STON2: variants seen among roughly 807,000 people sequenced by gnomAD.
STON2 encodes the protein stonin 2, also known as stonin-2.
STON2 carries 29 observed loss-of-function variants against 65.7 expected under a neutral mutation model. The ratio of observed to expected loss-of-function variants is 0.44; its 90% confidence interval spans 0.33 to 0.60. The LOEUF is 0.60. Among genes scored for constraint, STON2 ranks in the 20% least tolerant of loss-of-function variants. STON2 has a pLI of 0.03. For synonymous variants in STON2, 404 were observed against 414.2 expected (o/e 0.98, Z 0.30); for missense variants, 1,054 against 1,118.1 (o/e 0.94, Z 0.82).
At chr14:81,294,099 C>A (rs151272867) in intron 5 of STON2, among the ~76,000 whole-genome samples, 1 of 152,148 alleles carries the variant, frequency 6.6e-6, no homozygotes, top group African/African-American at 2.4e-5. Flanking sequence ...AGCAGCCAGA[C>A]AAGAGATAGA....
intron 4 of STON2, among the ~76,000 whole-genome samples, chr14:81,327,232 T>C (rs1336583837): frequency 6.6e-6 from 1 of 152,230 alleles, no homozygotes; most frequent in African/African-American, 2.4e-5. Context: ...CCTCTAAATA[T>C]ATCAAATTTT....
At position 81,315,520 on chromosome 14, in the gene STON2, G is replaced by C. The variant is rs1020697820; in HGVS notation, c.742+8497C>G. On this transcript the variant is annotated intron_variant, in intron 5 of 7. Transcript: ENST00000614646. ...GGCATTTCCAACGTAGGCAGGTGAC[G>C]ATACTGGCAGAATTCTCAACCTGTT... is the stretch of plus-strand genomic sequence containing the variant. 6.6e-5 allele frequency among the ~76,000 whole-genome samples: 10 copies of C among 152,066 alleles called. 4 individuals carry two copies. The highest frequency in any genetic ancestry group is 6.5e-4 in the Admixed American group (10 of 15,268).
At chr14:81,431,269 A>C (rs762027653) in intron 1 of STON2, among the ~76,000 whole-genome samples, 3 of 152,192 alleles carry the variant, frequency 2.0e-5, no homozygotes, top group Non-Finnish European at 4.4e-5. Context: ...AACTGGAACA[A>C]GGATCTTTTC....
In STON2 at chr14:81,277,438, T is replaced by C; in HGVS notation, c.2044A>G (p.Ile682Val). The change falls in exon 6 of 8, where the codon ATA becomes GTA. Residue 682 changes from isoleucine (I) to valine (V), a missense_variant. Transcript: ENST00000614646. ...LNDILVKGNE[I>V]VLRQDIMPTT... is the part of the protein sequence containing the mutation. ...GGCATGATGTCCTGCCTCAAAACTA[T>C]TTCATTCCCTTTGACGAGGATGTCA... 1 of 1,614,164 alleles carries C rather than the reference T, an allele frequency of 6.2e-7. No individual in the cohort carries two copies. The highest frequency in any genetic ancestry group is 8.5e-7 in the Non-Finnish European group (1 of 1,180,032).
intron 5 of STON2, among the ~76,000 whole-genome samples, chr14:81,282,850 C>G (rs1895180282): frequency 6.6e-6 from 1 of 152,114 alleles, no homozygotes; most frequent in African/African-American, 2.4e-5. Flanking sequence ...ACTGGTGTGG[C>G]TGGGACTGGA....
chr14:81,341,824 C>T (rs561115263), intron 4 of STON2, among the ~76,000 whole-genome samples: 4 of 152,306 alleles, frequency 2.6e-5, no homozygotes, highest in African/African-American at 9.6e-5. Context: ...CTAAATTATG[C>T]CACAGTAACA....
chr14:81,277,653 G>A lies in STON2; in HGVS notation c.1829C>T (p.Pro610Leu). ...HAVQDRLMDL[P>L]VLSMDLSTVG... is the part of the protein sequence containing the mutation. ...TGTGCTCAAGTCCATTGACAACACTGGCAGATCCATGAGACGGTCCTGAAC... is the reference window on the plus strand; with the variant it reads ...TGTGCTCAAGTCCATTGACAACACTAGCAGATCCATGAGACGGTCCTGAAC... The change falls in exon 6 of 8, where the codon CCA (proline) becomes CTA (leucine). Residue 610 changes from proline (P) to leucine (L), a missense_variant. Transcript: ENST00000614646. 1 of 1,614,116 alleles carries A rather than the reference G, an allele frequency of 6.2e-7. No homozygotes were observed. The highest frequency in any genetic ancestry group is 8.5e-7 in the Non-Finnish European group (1 of 1,180,026).
chr14:81,397,468 G>A (rs1015605235), intron 2 of STON2, among the ~76,000 whole-genome samples: 1 of 152,050 alleles, frequency 6.6e-6, no homozygotes, highest in African/African-American at 2.4e-5. Context: ...TTTAGCATAG[G>A]TATCTGATGC....
At chr14:81,372,493 C>T (rs1401544138) in intron 3 of STON2, among the ~76,000 whole-genome samples, 2 of 150,076 alleles carry the variant, frequency 1.3e-5, no homozygotes, top group South Asian at 2.1e-4. Context: ...AGGCGGGTGT[C>T]GCAGTGAGAT....
chr14:81,380,948 T>C (rs990951065), intron 3 of STON2, among the ~76,000 whole-genome samples: 2 of 152,072 alleles, frequency 1.3e-5, no homozygotes, highest in Non-Finnish European at 2.9e-5. Context: ...GTAACAAACC[T>C]GCACATGTAC....
chr14:81,266,865 T>C lies in STON2; in HGVS notation c.*1549A>G. On this transcript the variant is annotated 3_prime_UTR_variant, in exon 8 of 8. Coordinates refer to ENST00000614646, the MANE Select transcript of STON2 (RefSeq NM_001394390.1). ...ACAAACACACACTCCACTCTGTACTTAGAGGGTTGCATTTTAAAAACCCAG... is the reference window on the plus strand; with the variant it reads ...ACAAACACACACTCCACTCTGTACTCAGAGGGTTGCATTTTAAAAACCCAG... 9 of 980,918 alleles carry C rather than the reference T, an allele frequency of 9.2e-6. No individual in the cohort carries two copies. Among genetic ancestry groups the C allele is most frequent in the Non-Finnish European group, 1.1e-5 (9 of 825,922 alleles). The allele number at this position is 980,918 out of a possible 1,614,324, so 60.8% of individuals were successfully genotyped here. A position where few individuals can be genotyped will look rare whatever the true frequency, so the allele number is the denominator to read the frequency against.
At chr14:81,419,264 T>A (rs1329379124) in intron 2 of STON2, among the ~76,000 whole-genome samples, 1 of 152,198 alleles carries the variant, frequency 6.6e-6, no homozygotes, top group Non-Finnish European at 1.5e-5. Flanking sequence ...TACTAATGAC[T>A]CTTTTCCAGA....
At chr14:81,375,952 A>G (rs1215160392) in intron 3 of STON2, among the ~76,000 whole-genome samples, 1 of 151,544 alleles carries the variant, frequency 6.6e-6, no homozygotes, top group Middle Eastern at 3.2e-3. Flanking sequence ...AAATTAAGAA[A>G]CATACTTCTA....
intron 2 of STON2, among the ~76,000 whole-genome samples, chr14:81,409,266 G>T (rs1003818691): frequency 7.2e-5 from 11 of 151,900 alleles, no homozygotes; most frequent in African/African-American, 1.2e-4. Context: ...TTAGCCAGGC[G>T]TAGTGGTGTG....
chr14:81,419,127 A>G (rs1472151191), intron 2 of STON2, among the ~76,000 whole-genome samples: 1 of 152,106 alleles, frequency 6.6e-6, no homozygotes, highest in Non-Finnish European at 1.5e-5. Flanking sequence ...ATTGTATTTT[A>G]AAGAGGGAAT....
chr14:81,351,846 C>A (rs1447719126), intron 4 of STON2, among the ~76,000 whole-genome samples: 1 of 152,108 alleles, frequency 6.6e-6, no homozygotes, highest in Non-Finnish European at 1.5e-5. Context: ...ATAAATGAAT[C>A]AGCTGGCATT....
chr14:81,266,115 A>G lies in STON2; in HGVS notation c.*2299T>C. ...AAGACAAATGAAGTTAGAGAGTCTT[A>G]TTACTATTGAGACTAAACCTATATT... is the stretch of plus-strand genomic sequence containing the variant. On this transcript the variant is annotated 3_prime_UTR_variant, in exon 8 of 8. Coordinates refer to ENST00000614646, the MANE Select transcript of STON2 (RefSeq NM_001394390.1). The G allele has an allele frequency of 1.0e-6, 1 of 984,044 alleles. No homozygotes were observed. The highest frequency in any genetic ancestry group is 1.2e-6 in the Non-Finnish European group (1 of 828,608). The allele number at this position is 984,044 out of a possible 1,614,324, so 61.0% of individuals were successfully genotyped here.
At chr14:81,352,798 T>C (rs1032370800) in intron 4 of STON2, among the ~76,000 whole-genome samples, 1 of 151,968 alleles carries the variant, frequency 6.6e-6, no homozygotes, top group African/African-American at 2.4e-5. Flanking sequence ...TGCAAAAATC[T>C]CTGGTTGGAG....
Position 81,263,027 on chromosome 14 carries a change from AAAGGGT to A in STON2, c.*5381_*5386del, listed in dbSNP as rs1336103992. ...TGGTGAGAATGCCCTAATTTTATGT[AAAGGGT>A]CGTCATGGTTTGAATGGGACTTAGT... is the stretch of plus-strand genomic sequence containing the variant. On this transcript the variant is annotated 3_prime_UTR_variant, in exon 8 of 8. Coordinates refer to ENST00000614646, the MANE Select transcript of STON2 (RefSeq NM_001394390.1). The A allele has an allele frequency of 2.0e-6, 2 of 985,328 alleles. No individual in the cohort carries two copies. Among genetic ancestry groups the A allele is most frequent in the Admixed American group, 6.1e-5 (1 of 16,266 alleles). The allele number at this position is 985,328 out of a possible 1,614,324, so 61.0% of individuals were successfully genotyped here. A position where few individuals can be genotyped will look rare whatever the true frequency, so the allele number is the denominator to read the frequency against.
Sources: gnomAD v4.1 joint callset for allele counts (sites outside exome capture counted in the v4.1 genomes callset) on GRCh38, gnomAD v4.1.1 for gene constraint, MANE v1.5 for transcripts, NCBI Gene and HGNC (gene_info 2026-07-23, HGNC 2026-07-21) for gene names.